Variants in RIMS2 observed in about 807,000 individuals in gnomAD.
The protein encoded by RIMS2 is regulating synaptic membrane exocytosis protein 2.
A neutral mutation model predicts 174.4 loss-of-function variants in RIMS2; 59 were observed. That is an observed-to-expected ratio of 0.34 (90% CI 0.27 to 0.42). RIMS2 has a LOEUF of 0.42. Ranked by LOEUF, RIMS2 falls within the 10% of genes least tolerant of loss-of-function variation. The pLI is 1.00. For synonymous variants in RIMS2, 606 were observed against 572.5 expected (o/e 1.06, Z -0.84); for missense variants, 1,620 against 1,666.3 (o/e 0.97, Z 0.48).
rs997160971 is a variant in RIMS2 at position 104,128,604 on chromosome 8, G to A, written c.3334+113989G>A. Among the ~76,000 whole-genome samples, 35 of 152,152 alleles carry A rather than the reference G, an allele frequency of 2.3e-4. 1 individual carries two copies. Among genetic ancestry groups the A allele is most frequent in the Non-Finnish European group, 5.9e-5 (4 of 68,030 alleles). On this transcript the variant is annotated intron_variant, in intron 19 of 23. Transcript: ENST00000504942. ...CCCAGCTACTAGGGAGGCTGAGGCA[G>A]GAGAATCGCTTGAACCTGGGAGGCG...
chr8:103,568,317 A>G (rs935282829), intron 1 of RIMS2, among the ~76,000 whole-genome samples: 2 of 152,136 alleles, frequency 1.3e-5, no homozygotes, highest in Non-Finnish European at 2.9e-5. Context: ...TAAGAATAAA[A>G]TAAAGTAAAA....
At chr8:103,791,834 A>G (rs182366401) in intron 3 of RIMS2, among the ~76,000 whole-genome samples, 3 of 152,362 alleles carry the variant, frequency 2.0e-5, no homozygotes, top group Admixed American at 6.5e-5. Flanking sequence ...AGGCCATTAC[A>G]TAATGGTAAA....
At chr8:104,064,189 G>A (rs1262632266) in intron 19 of RIMS2, among the ~76,000 whole-genome samples, 2 of 151,940 alleles carry the variant, frequency 1.3e-5, no homozygotes, top group African/African-American at 4.8e-5. Context: ...AGTAACTATA[G>A]AATTAATTTT....
At chr8:103,977,932 C>A (rs2093588238) in intron 16 of RIMS2, among the ~76,000 whole-genome samples, 1 of 152,218 alleles carries the variant, frequency 6.6e-6, no homozygotes, top group Non-Finnish European at 1.5e-5. Context: ...GGAGTTTAAT[C>A]TCCAGCCCTC....
chr8:103,800,932 C>T (rs1490564915), intron 3 of RIMS2, among the ~76,000 whole-genome samples: 1 of 152,100 alleles, frequency 6.6e-6, no homozygotes, highest in Non-Finnish European at 1.5e-5. Context: ...TTTGCCTCTA[C>T]TGCCATTTGG....
intron 19 of RIMS2, among the ~76,000 whole-genome samples, chr8:104,230,410 C>G (rs1275500803): frequency 4.6e-5 from 7 of 152,096 alleles, no homozygotes; most frequent in African/African-American, 1.7e-4. Flanking sequence ...CTTTGGGAGG[C>G]CGAGCCAGGT....
rs552093064 is a variant in RIMS2, at chr8:104,116,043, A to G, written c.3334+101428A>G. ...TGAACAATCAAAAAGGGAATAAATC[A>G]TGTTCTTCATTTTGTTATTTCTAAG... is the stretch of plus-strand genomic sequence containing the variant. On this transcript the variant is annotated intron_variant, in intron 19 of 23. Coordinates refer to ENST00000504942, the Ensembl canonical transcript of RIMS2. 5.6e-4 allele frequency among the ~76,000 whole-genome samples: 86 copies of G among 152,282 alleles called. 1 individual carries two copies. The highest frequency in any genetic ancestry group is 9.9e-4 in the Non-Finnish European group (67 of 68,014).
intron 19 of RIMS2, among the ~76,000 whole-genome samples, chr8:104,111,182 C>T (rs2098175145): frequency 1.3e-5 from 2 of 151,870 alleles, no homozygotes; most frequent in South Asian, 2.1e-4. Flanking sequence ...AAATGTTATC[C>T]AAGGAATACA....
chr8:103,510,460 G>A (rs189981773), intron 1 of RIMS2, among the ~76,000 whole-genome samples: 217 of 152,174 alleles, frequency 1.4e-3, no homozygotes, highest in African/African-American at 4.7e-3. Flanking sequence ...AGGTAGGGCC[G>A]CATTTCTTTC....
intron 16 of RIMS2, chr8:103,977,325 A>G (rs2093534506): frequency 6.6e-6 from 1 of 152,224 alleles, no homozygotes; most frequent in South Asian, 2.1e-4. Flanking sequence ...CATTTTTTAA[A>G]AGTACTTAAA....
intron 19 of RIMS2, among the ~76,000 whole-genome samples, chr8:104,089,785 G>A (rs1388499054): frequency 6.6e-6 from 1 of 151,568 alleles, no homozygotes; most frequent in African/African-American, 2.4e-5. Flanking sequence ...TTCTGCTTTA[G>A]GCATTGGAAA....
chr8:103,865,819 A>G (rs1011962709), intron 3 of RIMS2, among the ~76,000 whole-genome samples: 4 of 152,134 alleles, frequency 2.6e-5, no homozygotes, highest in Non-Finnish European at 5.9e-5. Flanking sequence ...AATTTGGATA[A>G]TATTTTTAAA....
At chr8:104,198,286 C>T (rs969981454) in intron 19 of RIMS2, among the ~76,000 whole-genome samples, 1 of 152,214 alleles carries the variant, frequency 6.6e-6, no homozygotes, top group African/African-American at 2.4e-5. Flanking sequence ...TTTCAGACCC[C>T]TGGCCAGCTA....
intron 19 of RIMS2, among the ~76,000 whole-genome samples, chr8:104,111,344 TCAAA>T (rs759598455): frequency 1.3e-5 from 2 of 152,198 alleles, no homozygotes; most frequent in Non-Finnish European, 1.5e-5. Context: ...GGGAATCACT[TCAAA>T]CAAAGCAGTT....
chr8:103,615,899 C>T (rs1214095509), intron 1 of RIMS2, among the ~76,000 whole-genome samples: 1 of 152,090 alleles, frequency 6.6e-6, no homozygotes. Context: ...AAACCAAAAA[C>T]GCCCAACACC....
intron 19 of RIMS2, among the ~76,000 whole-genome samples, chr8:104,082,453 G>A (rs28637802): frequency 0.23 from 35,684 of 151,970 alleles, 4,492 homozygotes; most frequent in African/African-American, 0.33. Context: ...AGAATAGAAT[G>A]TAACACATGA....
At chr8:103,502,196 G>T (rs1820552961) in intron 1 of RIMS2, among the ~76,000 whole-genome samples, 1 of 152,146 alleles carries the variant, frequency 6.6e-6, no homozygotes, top group South Asian at 2.1e-4. Context: ...AAAGTGTAGA[G>T]TTCCTCTGTG....
chr8:103,780,133 T>G (rs563753542), intron 3 of RIMS2, among the ~76,000 whole-genome samples: 10 of 152,192 alleles, frequency 6.6e-5, no homozygotes, highest in Non-Finnish European at 1.3e-4. Flanking sequence ...GAGTCCTTTA[T>G]ATGTTACTTG....
chr8:103,921,954 T>A (rs1007307119), intron 10 of RIMS2, 170 bp downstream of exon 13: 3 of 402,908 alleles, frequency 7.4e-6, no homozygotes, highest in Non-Finnish European at 1.3e-5. Context: ...TTTATCATAC[T>A]GCTTCATTTA....
Sources: allele counts gnomAD v4.1 joint callset (sites outside exome capture counted in the v4.1 genomes callset), GRCh38; gene constraint gnomAD v4.1.1; transcripts MANE v1.5; gene names NCBI Gene and HGNC (gene_info 2026-07-23, HGNC 2026-07-21).